The following LINGO2 variants were observed in gnomAD, a reference collection of about 807,000 sequenced individuals.
The protein encoded by LINGO2 is leucine-rich repeat and immunoglobulin-like domain-containing nogo receptor-interacting protein 2.
A neutral mutation model predicts 30.6 loss-of-function variants in LINGO2; 14 were observed. That is an observed-to-expected ratio of 0.46 (90% confidence interval 0.30 to 0.72). The LOEUF (loss-of-function observed/expected upper bound fraction) is 0.72, where lower values mean the gene tolerates loss of function less well. Ranked by LOEUF, LINGO2 falls within the 30% of genes least tolerant of loss-of-function variation. The probability of loss-of-function intolerance (pLI) is 0.07; values close to 1 mark genes in which losing one functional copy is unlikely to be tolerated. For synonymous variants in LINGO2, 317 were observed against 288.5 expected, an observed-to-expected ratio of 1.10 and a Z score of -1.00; for missense variants, 729 against 751.7, an observed-to-expected ratio of 0.97 and a Z score of 0.35.
chr9:28,579,458 A>G (rs1824154980), intron 1 of LINGO2, among the ~76,000 whole-genome samples: 1 of 152,112 alleles, frequency 6.6e-6, no homozygotes, highest in Admixed American at 6.6e-5. Flanking sequence ...GAATCCATGA[A>G]AATAAATTTC....
At chr9:27,991,153 G>C (rs1013157577) in intron 5 of LINGO2, among the ~76,000 whole-genome samples, 7 of 151,984 alleles carry the variant, frequency 4.6e-5, no homozygotes, top group African/African-American at 1.4e-4. Flanking sequence ...TCTAAGCTCT[G>C]TTTTTCTTTC....
At chr9:28,385,830 G>C (rs1821557046) in intron 2 of LINGO2, among the ~76,000 whole-genome samples, 1 of 152,110 alleles carries the variant, frequency 6.6e-6, no homozygotes, top group Non-Finnish European at 1.5e-5. Context: ...AGAGAAAGGA[G>C]GGATGGCATT....
At chr9:28,909,271 C>T in the LINGO2 span, among the ~76,000 whole-genome samples, 1 of 151,738 alleles carries the variant, frequency 6.6e-6, no homozygotes, top group Non-Finnish European at 1.5e-5. Flanking sequence ...TATAACAGCA[C>T]AACAGAGTTT....
At chr9:28,778,611 A>C in the LINGO2 span, among the ~76,000 whole-genome samples, 13 of 152,314 alleles carry the variant, frequency 8.5e-5, no homozygotes, top group African/African-American at 1.2e-4. Flanking sequence ...GAGTATGAGC[A>C]CAGGGACAAT....
At chr9:28,878,607 G>A in the LINGO2 span, among the ~76,000 whole-genome samples, 9 of 152,164 alleles carry the variant, frequency 5.9e-5, no homozygotes, top group South Asian at 2.1e-4. Flanking sequence ...CTGGCAAACC[G>A]AATCCAGCAG....
chr9:28,310,997 G>A lies in LINGO2; in HGVS notation c.-245-15631C>T, dbSNP rs190293187. ...GGGGAAATTCAGCCAGATATTGGGC[G>A]AAATTCACCCCCGATATTTCATGTA... On this transcript the variant is annotated intron_variant, in intron 3 of 5. Coordinates refer to ENST00000379992, the Ensembl canonical transcript of LINGO2. Among the ~76,000 whole-genome samples the A allele has an allele frequency of 7.2e-5, 11 of 152,202 alleles. No homozygotes were observed. In the East Asian group the frequency reaches 1.5e-3, roughly 21 times the overall value.
At chr9:29,066,912 A>G in the LINGO2 span, among the ~76,000 whole-genome samples, 13 of 151,962 alleles carry the variant, frequency 8.6e-5, no homozygotes, top group African/African-American at 3.1e-4. Context: ...CTTCTAAGTT[A>G]ACCAGTTTCA....
At chr9:28,819,393 G>T in the LINGO2 span, among the ~76,000 whole-genome samples, 2 of 151,880 alleles carry the variant, frequency 1.3e-5, no homozygotes, top group Non-Finnish European at 2.9e-5. Flanking sequence ...CTTCCTCTAT[G>T]CATCCACAAG....
chr9:28,517,005 C>T (rs930051370), intron 1 of LINGO2, among the ~76,000 whole-genome samples: 19 of 152,178 alleles, frequency 1.2e-4, no homozygotes, highest in Admixed American at 9.2e-4. Flanking sequence ...GCAATACATA[C>T]AACTTGGTTT....
chr9:28,202,178 G>A (rs1320045710), intron 4 of LINGO2, among the ~76,000 whole-genome samples: 2 of 152,046 alleles, frequency 1.3e-5, no homozygotes, highest in African/African-American at 2.4e-5. Flanking sequence ...CTTTATTTTA[G>A]CTTACCTAAT....
chr9:28,428,006 A>G lies in LINGO2; in HGVS notation c.-279+47934T>C, dbSNP rs532110534. On this transcript the variant is annotated intron_variant, in intron 2 of 5. Coordinates refer to ENST00000379992, the Ensembl canonical transcript of LINGO2. ...ACAGTATCACATCTGTTTCCTTTGC[A>G]GAGTCTCTGTGTGTAATACAGTCAG... Among the ~76,000 whole-genome samples the G allele has an allele frequency of 2.6e-5, 4 of 152,292 alleles. No individual in the cohort carries two copies. The East Asian group carries it at 7.7e-4, about 29-fold the overall frequency.
the LINGO2 span, among the ~76,000 whole-genome samples, chr9:29,009,667 T>C: frequency 6.6e-6 from 1 of 152,096 alleles, no homozygotes; most frequent in African/African-American, 2.4e-5. Flanking sequence ...CTTCACAGAA[T>C]TGGAAAAAAC....
At chr9:28,300,325 C>A (rs78253966) in intron 3 of LINGO2, among the ~76,000 whole-genome samples, 5,310 of 152,140 alleles carry the variant, frequency 0.035, 164 homozygotes, top group Middle Eastern at 0.1. Context: ...CATTTCAGAA[C>A]CCAGCAGGAA....
chr9:29,131,394 C>T, the LINGO2 span, among the ~76,000 whole-genome samples: 3 of 152,056 alleles, frequency 2.0e-5, no homozygotes, highest in African/African-American at 7.2e-5. Flanking sequence ...AACACAAAGA[C>T]TGCTAAGTAC....
chr9:28,848,397 GTATATA>G, the LINGO2 span, among the ~76,000 whole-genome samples: 856 of 48,326 alleles, frequency 0.018, 15 homozygotes, highest in Non-Finnish European at 0.025. Flanking sequence ...GTGTGTGTGT[GTATATA>G]TATATATATA....
intron 2 of LINGO2, among the ~76,000 whole-genome samples, chr9:28,373,480 T>C (rs554169513): frequency 1.8e-4 from 27 of 152,324 alleles, no homozygotes; most frequent in South Asian, 1.7e-3. Flanking sequence ...GCCACTTTTG[T>C]CAGGGAAATT....
the LINGO2 span, among the ~76,000 whole-genome samples, chr9:29,048,010 T>C: frequency 1.3e-5 from 2 of 151,812 alleles, no homozygotes; most frequent in African/African-American, 4.8e-5. Context: ...ACTCAGGAGT[T>C]TGAGGCATGA....
chr9:28,295,460 C>A (rs888415975), intron 3 of LINGO2, 94 bp from the exon 6 acceptor site: 1 of 152,562 alleles, frequency 6.6e-6, no homozygotes, highest in African/African-American at 2.4e-5. Flanking sequence ...ATAAGGGAAT[C>A]ATAAAGGAGT....
chr9:28,289,182 G>A (rs1246304850), intron 4 of LINGO2, among the ~76,000 whole-genome samples: 1 of 152,090 alleles, frequency 6.6e-6, no homozygotes, highest in East Asian at 1.9e-4. Context: ...ATAAAATAAT[G>A]TGACTGCCAT....
Sources: allele counts gnomAD v4.1 joint callset (sites outside exome capture counted in the v4.1 genomes callset), GRCh38; gene constraint gnomAD v4.1.1; transcripts MANE v1.5; gene names NCBI Gene and HGNC (gene_info 2026-07-23, HGNC 2026-07-21).